LARGE1: variants seen among roughly 807,000 people sequenced by gnomAD.
The protein encoded by LARGE1 is LARGE xylosyl- and glucuronyltransferase 1, also known as xylosyl- and glucuronyltransferase LARGE1.
A neutral mutation model predicts 87.6 loss-of-function variants in LARGE1; 43 were observed. The observed-to-expected ratio is 0.49, with a 90% CI of 0.38 to 0.63. The LOEUF is 0.63. Among genes scored for constraint, LARGE1 ranks in the 30% least tolerant of loss-of-function variants. The pLI is 0.00. For synonymous variants in LARGE1, 434 were observed against 394.6 expected, an observed-to-expected ratio of 1.10 and a Z score of -1.18; for missense variants, 802 against 1,000.2, an observed-to-expected ratio of 0.80 and a Z score of 2.67.
intron 7 of LARGE1, among the ~76,000 whole-genome samples, chr22:33,410,876 C>T (rs1014369202): frequency 3.9e-5 from 6 of 152,100 alleles, no homozygotes; most frequent in South Asian, 4.1e-4. Context: ...AGCTGGTGCA[C>T]GTGAAAGCAT....
intron 6 of LARGE1, among the ~76,000 whole-genome samples, chr22:33,524,614 C>T (rs2071789854): frequency 6.6e-6 from 1 of 152,080 alleles, no homozygotes; most frequent in African/African-American, 2.4e-5. Flanking sequence ...GATTTTCCTC[C>T]TGGAGGGTTT....
chr22:33,308,287 C>A (rs1215402614), intron 11 of LARGE1, among the ~76,000 whole-genome samples: 1 of 152,150 alleles, frequency 6.6e-6, no homozygotes, highest in Non-Finnish European at 1.5e-5. Context: ...GGAACTCACA[C>A]CCACCAAGGC....
chr22:33,596,034 G>T (rs1409771738), intron 5 of LARGE1, among the ~76,000 whole-genome samples: 1 of 152,206 alleles, frequency 6.6e-6, no homozygotes, highest in East Asian at 1.9e-4. Context: ...GTATTCAAAA[G>T]CAGAAGATTA....
intron 6 of LARGE1, among the ~76,000 whole-genome samples, chr22:33,482,436 T>C (rs2069368873): frequency 6.6e-6 from 1 of 152,166 alleles, no homozygotes; most frequent in Non-Finnish European, 1.5e-5. Context: ...CAAAACATAA[T>C]AGGGATCCTC....
At chr22:33,093,810 TTTTC>T in the LARGE1 span, among the ~76,000 whole-genome samples, 14 of 145,388 alleles carry the variant, frequency 9.6e-5, no homozygotes, top group African/African-American at 3.1e-4. Context: ...GATTCTTTTT[TTTTC>T]TTTCTTTCTT....
intron 10 of LARGE1, among the ~76,000 whole-genome samples, chr22:33,334,874 C>T (rs999877575): frequency 6.6e-6 from 1 of 152,224 alleles, no homozygotes; most frequent in African/African-American, 2.4e-5. Context: ...CCAGCATTCA[C>T]GCATTCTTCC....
chr22:33,573,345 A>T (rs993736773), intron 5 of LARGE1, among the ~76,000 whole-genome samples: 1 of 152,110 alleles, frequency 6.6e-6, no homozygotes, highest in East Asian at 1.9e-4. Flanking sequence ...AGGCTGAGGC[A>T]GTAGAACCAC....
intron 4 of LARGE1, among the ~76,000 whole-genome samples, chr22:33,619,211 G>T (rs1286996494): frequency 6.6e-6 from 1 of 152,046 alleles, no homozygotes; most frequent in Non-Finnish European, 1.5e-5. Flanking sequence ...AATGATTATG[G>T]AGATCACAAC....
chr22:33,394,702 C>CGTGTGTGTGTGTGTGT lies in LARGE1; in HGVS notation c.893-10414_893-10399dup, dbSNP rs59338001. Among the ~76,000 whole-genome samples the CGTGTGTGTGTGTGTGT allele has an allele frequency of 9.8e-5, 14 of 142,420 alleles. No individual in the cohort carries two copies. In the East Asian group the frequency reaches 1.1e-3, roughly 11 times the overall value. The allele number at this position is 142,420 out of a possible 152,430, so 93.4% of individuals were successfully genotyped here. A position where few individuals can be genotyped will look rare whatever the true frequency, so the allele number is the denominator to read the frequency against. ...CCATGTGGTCTCAACCTCCTGGGAG[C>CGTGTGTGTGTGTGTGT]GTGTGTGTGTGTGTGTGTGTGTGTG... is the stretch of plus-strand genomic sequence containing the variant. On this transcript the variant is annotated intron_variant, in intron 7 of 14. Transcript: ENST00000397394.
intron 11 of LARGE1, among the ~76,000 whole-genome samples, chr22:33,225,182 G>C (rs1193154736): frequency 6.6e-6 from 1 of 152,130 alleles, no homozygotes; most frequent in Non-Finnish European, 1.5e-5. Context: ...TACAGCCGTG[G>C]GCATGATAGA....
At chr22:33,136,765 G>A in the LARGE1 span, among the ~76,000 whole-genome samples, 1 of 152,126 alleles carries the variant, frequency 6.6e-6, no homozygotes, top group Non-Finnish European at 1.5e-5. Flanking sequence ...CATGGTTGAA[G>A]TCAAGGATAA....
chr22:33,525,516 T>C (rs1014245867), intron 6 of LARGE1, among the ~76,000 whole-genome samples: 3 of 152,218 alleles, frequency 2.0e-5, no homozygotes, highest in African/African-American at 4.8e-5. Flanking sequence ...GCAAGTGATA[T>C]TTGATCTATA....
chr22:33,353,905 C>T (rs955947510), intron 9 of LARGE1, among the ~76,000 whole-genome samples: 7 of 152,158 alleles, frequency 4.6e-5, no homozygotes, highest in African/African-American at 9.7e-5. Flanking sequence ...CAGGCACAAG[C>T]GCTGCTAGAT....
chr22:33,146,540 G>A, the LARGE1 span, among the ~76,000 whole-genome samples: 1 of 151,898 alleles, frequency 6.6e-6, no homozygotes, highest in Admixed American at 6.6e-5. Context: ...TGGCCTCTAC[G>A]CTTTACTCTC....
At chr22:33,080,213 C>T in the LARGE1 span, among the ~76,000 whole-genome samples, 1 of 152,148 alleles carries the variant, frequency 6.6e-6, no homozygotes, top group Non-Finnish European at 1.5e-5. Flanking sequence ...CTACTATGTG[C>T]CAGATGTTTT....
chr22:33,406,367 A>T (rs971065663), intron 7 of LARGE1, among the ~76,000 whole-genome samples: 6 of 152,070 alleles, frequency 3.9e-5, no homozygotes, highest in Non-Finnish European at 5.9e-5. Context: ...TGCTCCTTAA[A>T]CAATGACCTC....
intron 7 of LARGE1, among the ~76,000 whole-genome samples, chr22:33,431,669 T>G (rs1453072609): frequency 6.6e-6 from 1 of 152,182 alleles, no homozygotes; most frequent in East Asian, 1.9e-4. Context: ...CTTTAAGAGA[T>G]AATACAACTT....
intron 1 of LARGE1, among the ~76,000 whole-genome samples, chr22:33,905,228 T>G (rs996329788): frequency 5.3e-5 from 8 of 151,904 alleles, no homozygotes; most frequent in Non-Finnish European, 1.2e-4. Context: ...GATGCCCAGC[T>G]GATTTTTTTT....
intron 9 of LARGE1, among the ~76,000 whole-genome samples, chr22:33,348,289 C>CA (rs201826859): frequency 6.5e-4 from 81 of 124,112 alleles, no homozygotes; most frequent in South Asian, 3.7e-3. Flanking sequence ...CACCCCCCCC[C>CA]AAAAAAAAAG....
Sources: gnomAD v4.1 joint callset for allele counts (sites outside exome capture counted in the v4.1 genomes callset) on GRCh38, gnomAD v4.1.1 for gene constraint, MANE v1.5 for transcripts, NCBI Gene and HGNC (gene_info 2026-07-23, HGNC 2026-07-21) for gene names.